Variants in TCTN1 observed in about 807,000 individuals in gnomAD.
TCTN1 encodes tectonic-1.
TCTN1 carries 58 observed loss-of-function variants against 65.8 expected under a neutral mutation model. That is an observed-to-expected ratio of 0.88 (90% CI 0.71 to 1.10). The LOEUF is 1.10. Among genes scored for constraint, TCTN1 ranks in the 50% least tolerant of loss-of-function variants. The pLI is 0.00. For missense variants in TCTN1, 645 were observed against 719.4 expected (o/e 0.90, Z 1.18); for synonymous variants, 273 against 289.1 (o/e 0.94, Z 0.57).
chr12:110,623,874 G>A (rs982061215), intron 2 of TCTN1, among the ~76,000 whole-genome samples: 11 of 151,616 alleles, frequency 7.3e-5, no homozygotes, highest in South Asian at 2.1e-4. Flanking sequence ...CATGAGCCAC[G>A]GTGCTTGGGC....
rs918979289 is a variant in TCTN1, at chr12:110,644,709, T to G, written c.1332-258T>G. 6.0e-5 allele frequency: 30 copies of G among 503,332 alleles called. No individual in the cohort carries two copies. Among genetic ancestry groups the G allele is most frequent in the African/African-American group, 5.4e-4 (28 of 51,414 alleles). The allele number at this position is 503,332 out of a possible 1,614,324, so 31.2% of individuals were successfully genotyped here. A position where few individuals can be genotyped will look rare whatever the true frequency, so the allele number is the denominator to read the frequency against. Reference sequence around the variant, plus strand: ...AACAAAAAAACCAAAAATCAAAACTTAAAAAACAAAAAACTGCTGGTGGGC... The same window carrying G: ...AACAAAAAAACCAAAAATCAAAACTGAAAAAACAAAAAACTGCTGGTGGGC... On this transcript the variant is annotated intron_variant, in intron 11 of 14. Coordinates refer to ENST00000397659, the MANE Select transcript of TCTN1 (RefSeq NM_001082538.3). This position sits in a 1 kb window ranked among gnomAD's most constrained non-coding sequence, Gnocchi z 4.6.
intron 1 of TCTN1, among the ~76,000 whole-genome samples, chr12:110,617,934 C>T (rs572822076): frequency 3.3e-5 from 5 of 152,098 alleles, no homozygotes; most frequent in East Asian, 1.9e-4. Context: ...CCACTGCATC[C>T]GGCCGCTGTG....
intron 6 of TCTN1, chr12:110,636,208 T>A (rs183044537): frequency 3.3e-4 from 141 of 421,170 alleles, no homozygotes; most frequent in African/African-American, 2.6e-3. Flanking sequence ...TATACAATAA[T>A]GACCCTGGAG....
Position 110,644,395 on chromosome 12 carries a change from G to T in TCTN1, c.1332-572G>T. 1 of 164,396 alleles carries T rather than the reference G, an allele frequency of 6.1e-6. No individual in the cohort carries two copies. Among genetic ancestry groups the T allele is most frequent in the Admixed American group, 5.7e-5 (1 of 17,476 alleles). The allele number at this position is 164,396 out of a possible 1,614,324, so 10.2% of individuals were successfully genotyped here. ...GGGAAGGAATGGAACTGCTCGTGGGGCTGAGAGCAGTGGCTCACGCCTGTA... is the reference window on the plus strand; with the variant it reads ...GGGAAGGAATGGAACTGCTCGTGGGTCTGAGAGCAGTGGCTCACGCCTGTA... On this transcript the variant is annotated intron_variant, in intron 11 of 14. Coordinates refer to ENST00000397659, the MANE Select transcript of TCTN1 (RefSeq NM_001082538.3). This position sits in a 1 kb window ranked among gnomAD's most constrained non-coding sequence, Gnocchi z 4.6.
chr12:110,639,456 G>T lies in TCTN1; in HGVS notation c.844-927G>T, dbSNP rs1052519067. Among the ~76,000 whole-genome samples the T allele has an allele frequency of 6.6e-6, 1 of 152,050 alleles. No individual in the cohort carries two copies. The highest frequency in any genetic ancestry group is 1.5e-5 in the Non-Finnish European group (1 of 68,012). On this transcript the variant is annotated intron_variant, in intron 7 of 14. Transcript: ENST00000397659. The surrounding 1 kb of genome is among the most constrained non-coding windows in gnomAD (Gnocchi z 4.9). The stretch of plus-strand genomic sequence containing the variant: ...GAAACCACTGTGTGTGTGTGTGTGT[G>T]TGTGTATGTGTGTGTGAGCGTGCTT...
chr12:110,621,909 A>C (rs1019138490), intron 2 of TCTN1, among the ~76,000 whole-genome samples: 3 of 151,426 alleles, frequency 2.0e-5, no homozygotes, highest in Non-Finnish European at 4.4e-5. Context: ...AGGCTGAGGC[A>C]TGTAGATCAC....
chr12:110,628,116 A>G (rs1432500476), intron 3 of TCTN1: 11 of 1,536,038 alleles, frequency 7.2e-6, no homozygotes, highest in East Asian at 2.4e-5. Context: ...TTTCATTCCC[A>G]TAGCCATCCG....
At chr12:110,642,174 C>A in intron 10 of TCTN1, 75 bp from the exon 11 acceptor site, 2 of 1,589,134 alleles carry the variant, frequency 1.3e-6, no homozygotes, top group Non-Finnish European at 1.7e-6. Flanking sequence ...TCATGTCACA[C>A]AAGTGACACT....
intron 3 of TCTN1, among the ~76,000 whole-genome samples, chr12:110,628,468 G>A (rs1329049385): frequency 2.0e-5 from 3 of 151,636 alleles, no homozygotes; most frequent in African/African-American, 7.3e-5. Flanking sequence ...AGCCTCCCGA[G>A]TAGCTGGGAT....
intron 1 of TCTN1, among the ~76,000 whole-genome samples, chr12:110,618,768 A>G (rs1249741832): frequency 6.6e-6 from 1 of 152,152 alleles, no homozygotes; most frequent in Non-Finnish European, 1.5e-5. Flanking sequence ...TTCATTCTCT[A>G]TTTTTTAAAA....
intron 3 of TCTN1, chr12:110,628,341 C>CTT (rs1220087506): frequency 0.015 from 12,024 of 821,158 alleles, no homozygotes; most frequent in Non-Finnish European, 0.017. Context: ...GAAAAATACA[C>CTT]TTTTTTTTTT....
chr12:110,647,035 A>T, intron 12 of TCTN1, 161 bp from the exon 13 acceptor site: 1 of 810,726 alleles, frequency 1.2e-6, no homozygotes, highest in Non-Finnish European at 1.9e-6. Context: ...GAGTTACTTT[A>T]AAACACGTAT....
Position 110,640,511 on chromosome 12 carries a change from T to C in TCTN1, c.972T>C (p.Val324=), listed in dbSNP as rs2066885577. The part of the protein sequence containing the change: ...AGHFSLCVNV[V]LEVKYSLTYT... ...ACTTTAGCCTTTGCGTGAATGTTGTTCTTGAGGTAGGTGCCGAGTTTGGCT... is the reference window on the plus strand; with the variant it reads ...ACTTTAGCCTTTGCGTGAATGTTGTCCTTGAGGTAGGTGCCGAGTTTGGCT... Residue 324 remains valine, a synonymous_variant, in exon 8 of 15, where the codon GTT becomes GTC. Transcript: ENST00000397659. The surrounding 1 kb of genome is among the most constrained non-coding windows in gnomAD (Gnocchi z 4.9). 1 of 1,614,106 alleles carries C rather than the reference T, an allele frequency of 6.2e-7. No homozygotes were observed. The highest frequency in any genetic ancestry group is 1.7e-5 in the Admixed American group (1 of 60,008).
intron 7 of TCTN1, among the ~76,000 whole-genome samples, chr12:110,638,551 TG>T (rs1451302061): frequency 2.0e-5 from 3 of 152,052 alleles, no homozygotes; most frequent in African/African-American, 7.2e-5. Flanking sequence ...TACCAGTGTG[TG>T]TGTGGTTTGG....
chr12:110,633,118 C>A (rs1165456170), intron 5 of TCTN1, among the ~76,000 whole-genome samples: 2 of 152,144 alleles, frequency 1.3e-5, no homozygotes, highest in Non-Finnish European at 2.9e-5. Context: ...ATGCAGTTGG[C>A]CTGCAGCCTG....
chr12:110,647,587 A>G (rs2067427439), intron 13 of TCTN1, 162 bp from the exon 14 acceptor site: 1 of 1,158,114 alleles, frequency 8.6e-7, no homozygotes, highest in Non-Finnish European at 1.3e-6. Flanking sequence ...ACCCTGGTAA[A>G]ATTGTTTCTC....
At chr12:110,625,621 T>G (rs1210715911) in intron 2 of TCTN1, 3 of 151,664 alleles carry the variant, frequency 2.0e-5, no homozygotes, top group Non-Finnish European at 4.4e-5. Context: ...AGTGCACACC[T>G]GTAGTCCCAG....
At chr12:110,625,458 T>TA (rs1370627152) in intron 2 of TCTN1, among the ~76,000 whole-genome samples, 1 of 151,986 alleles carries the variant, frequency 6.6e-6, no homozygotes, top group Non-Finnish European at 1.5e-5. Flanking sequence ...ATAAACTAAA[T>TA]AAAAATGGAT....
chr12:110,642,002 G>T (rs923882198), intron 10 of TCTN1: 1 of 592,604 alleles, frequency 1.7e-6, no homozygotes, highest in Non-Finnish European at 3.0e-6. Flanking sequence ...CTCCTAAACA[G>T]ATGTAGTGAT....
Sources: allele counts gnomAD v4.1 joint callset (sites outside exome capture counted in the v4.1 genomes callset), GRCh38; gene constraint gnomAD v4.1.1; non-coding constraint Gnocchi (gnomAD v3.1); transcripts MANE v1.5; gene names NCBI Gene and HGNC (gene_info 2026-07-23, HGNC 2026-07-21).